USPL1: variants seen among roughly 807,000 people sequenced by gnomAD.
The protein encoded by USPL1 is ubiquitin specific peptidase like 1.
A neutral mutation model predicts 51.5 loss-of-function variants in USPL1; 27 were observed. That is an observed-to-expected ratio of 0.52 (90% CI 0.39 to 0.72). The LOEUF (loss-of-function observed/expected upper bound fraction) is 0.72, where lower values mean the gene tolerates loss of function less well. Ranked by LOEUF, USPL1 falls within the 30% of genes least tolerant of loss-of-function variation. The pLI is 0.00. For synonymous variants in USPL1, 451 were observed against 459.6 expected, an observed-to-expected ratio of 0.98 and a Z score of 0.24; for missense variants, 1,226 against 1,268.0, an observed-to-expected ratio of 0.97 and a Z score of 0.50.
At chr13:30,629,323 G>A (rs1593365460) in intron 3 of USPL1, among the ~76,000 whole-genome samples, 1 of 152,076 alleles carries the variant, frequency 6.6e-6, no homozygotes, top group Admixed American at 6.6e-5. Flanking sequence ...GGGCAACGTG[G>A]TGAAACCTTG....
At chr13:30,640,856 A>C (rs1455892600) in intron 5 of USPL1, among the ~76,000 whole-genome samples, 1 of 152,240 alleles carries the variant, frequency 6.6e-6, no homozygotes, top group Non-Finnish European at 1.5e-5. Context: ...CCATGTAGAA[A>C]TATGTACATC....
intron 1 of USPL1, among the ~76,000 whole-genome samples, chr13:30,619,980 A>C (rs1257460746): frequency 6.6e-6 from 1 of 152,226 alleles, no homozygotes; most frequent in African/African-American, 2.4e-5. Flanking sequence ...AACAGCCTTC[A>C]CAAACAATTA....
At chr13:30,626,756 A>G (rs1201726174) in intron 3 of USPL1, among the ~76,000 whole-genome samples, 1 of 152,200 alleles carries the variant, frequency 6.6e-6, no homozygotes, top group Non-Finnish European at 1.5e-5. Context: ...ACCAAATTGA[A>G]ACTCTCAAGT....
chr13:30,650,345 A>C (rs1951072920), intron 7 of USPL1, among the ~76,000 whole-genome samples: 1 of 150,740 alleles, frequency 6.6e-6, no homozygotes, highest in East Asian at 2.0e-4. Context: ...GGGAGGCTGA[A>C]GCGGACAGAT....
intron 4 of USPL1, 132 bp from the exon 5 acceptor site, chr13:30,637,612 G>A: frequency 1.5e-6 from 1 of 662,838 alleles, no homozygotes; most frequent in Non-Finnish European, 2.6e-6. Context: ...AAGAATTAAG[G>A]AAATTTTGTG....
chr13:30,627,699 A>G (rs933744520), intron 3 of USPL1, among the ~76,000 whole-genome samples: 1 of 151,994 alleles, frequency 6.6e-6, no homozygotes, highest in Admixed American at 6.6e-5. Flanking sequence ...TTTAAATTGT[A>G]AAAAAATTCA....
chr13:30,635,230 A>G (rs754648216), intron 4 of USPL1, among the ~76,000 whole-genome samples: 1 of 152,166 alleles, frequency 6.6e-6, no homozygotes. Context: ...AATTATTACT[A>G]TTCCCAAGGT....
In USPL1 at chr13:30,659,155, T is replaced by C. The variant is rs775909938; in HGVS notation, c.3078T>C (p.Tyr1026=). ...CACATCTGAGACAGGACCATAATTATTGTAGCCCCACCAAGAAAAATCCAT... is the reference window on the plus strand; with the variant it reads ...CACATCTGAGACAGGACCATAATTACTGTAGCCCCACCAAGAAAAATCCAT... ...QNTHLRQDHN[Y]CSPTKKNPCE... The change falls in exon 9 of 9, where the codon TAT becomes TAC. Residue 1026 remains tyrosine, a synonymous_variant. Coordinates refer to ENST00000255304, the MANE Select transcript of USPL1 (RefSeq NM_005800.5). 3 of 1,614,138 alleles carry C rather than the reference T, an allele frequency of 1.9e-6. No homozygotes were observed. Among genetic ancestry groups the C allele is most frequent in the South Asian group, 1.1e-5 (1 of 91,080 alleles).
intron 5 of USPL1, among the ~76,000 whole-genome samples, chr13:30,638,291 T>C (rs1339775531): frequency 2.0e-5 from 3 of 152,128 alleles, no homozygotes; most frequent in Non-Finnish European, 2.9e-5. Context: ...CCCCACATGA[T>C]TGTTATATGT....
intron 8 of USPL1, among the ~76,000 whole-genome samples, chr13:30,654,992 G>A (rs1379934061): frequency 2.0e-5 from 3 of 151,554 alleles, no homozygotes; most frequent in Admixed American, 1.3e-4. Context: ...AGGCTGGAGT[G>A]TATTGGCGCA....
At position 30,637,875 on chromosome 13, in the gene USPL1, C is replaced by A; in HGVS notation, c.982+18C>A. The A allele has an allele frequency of 6.4e-7, 1 of 1,557,310 alleles. No individual in the cohort carries two copies. Among genetic ancestry groups the A allele is most frequent in the Non-Finnish European group, 8.9e-7 (1 of 1,129,322 alleles). Reference sequence around the variant, plus strand: ...CACATTAGGTAAGTAATTGGTAAAACTTACTTGTATTATACTCATCTACCA... The same window carrying A: ...CACATTAGGTAAGTAATTGGTAAAAATTACTTGTATTATACTCATCTACCA... On this transcript the variant is annotated intron_variant, in intron 5 of 8. Transcript: ENST00000255304.
At position 30,647,011 on chromosome 13, in the gene USPL1, A is replaced by T. The variant is rs778709278; in HGVS notation, c.1192A>T (p.Asn398Tyr). The T allele has an allele frequency of 3.7e-6, 6 of 1,613,410 alleles. No homozygotes were observed. In the Admixed American group the frequency reaches 1.0e-4, roughly 27 times the overall value. Residue 398 changes from asparagine to tyrosine, a missense_variant, in exon 7 of 9, where the codon AAC becomes TAC. Transcript: ENST00000255304. ...TAATGCTGCCCATTTTGGTCCATGT[A>T]ACAATTGCAACAGTAAATCACAAAT... ...PLNAAHFGPC[N>Y]NCNSKSQIRK...
chr13:30,658,379 G>A lies in USPL1; in HGVS notation c.2302G>A (p.Ala768Thr). 6.2e-7 allele frequency: 1 copy of A among 1,613,626 alleles called. No homozygotes were observed. Among genetic ancestry groups the A allele is most frequent in the Admixed American group, 1.7e-5 (1 of 59,980 alleles). The part of the protein sequence containing the change: ...SWVKGLISRG[A>T]SFMPLCVSAH... ...GGTTAAAGGCTTAATAAGCAGGGGT[G>A]CTTCTTTTATGCCACTCTGTGTTTC... is the stretch of plus-strand genomic sequence containing the variant. The change falls in exon 9 of 9, where the codon GCT becomes ACT. Residue 768 changes from alanine (A) to threonine (T), a missense_variant. Physicochemically the swap from Ala to Thr is moderately conservative, Grantham distance 58. Coordinates refer to ENST00000255304, the MANE Select transcript of USPL1 (RefSeq NM_005800.5).
At position 30,642,745 on chromosome 13, in the gene USPL1, A is replaced by G. The variant is rs1950965614; in HGVS notation, c.1100A>G (p.Gln367Arg). Residue 367 changes from glutamine to arginine, a missense_variant, in exon 6 of 9, where the codon CAA becomes CGA. Gln to Arg is a conservative substitution (Grantham distance 43, BLOSUM62 1). Coordinates refer to ENST00000255304, the MANE Select transcript of USPL1 (RefSeq NM_005800.5). ...TTTGAATGTTCGCAGTGTGGACACC[A>G]ATATCAAAACAGGTTAGTTTCTTTT... ...WDFECSQCGH[Q>R]YQNRHMKSLV... The G allele has an allele frequency of 1.2e-6, 2 of 1,612,052 alleles. No individual in the cohort carries two copies. Among genetic ancestry groups the G allele is most frequent in the Admixed American group, 1.7e-5 (1 of 59,504 alleles).
At position 30,621,843 on chromosome 13, in the gene USPL1, C is replaced by T. The variant is rs1950650602; in HGVS notation, c.179C>T (p.Thr60Ile). Residue 60 changes from threonine to isoleucine, a missense_variant, in exon 3 of 9, where the codon ACT (threonine) becomes ATT (isoleucine). By Grantham distance (89) the Thr-to-Ile change is moderately conservative. Transcript: ENST00000255304. ...REKGKLKALKTYRISFQESIF... is the reference protein window; with the variant it reads ...REKGKLKALKIYRISFQESIF... ...AAGGGAAAGTTAAAAGCCTTAAAGACTTACCGAATTAGTTTTCAAGAATCT... is the reference window on the plus strand; with the variant it reads ...AAGGGAAAGTTAAAAGCCTTAAAGATTTACCGAATTAGTTTTCAAGAATCT... The T allele has an allele frequency of 1.9e-6, 3 of 1,583,226 alleles. No individual in the cohort carries two copies. The highest frequency in any genetic ancestry group is 2.6e-6 in the Non-Finnish European group (3 of 1,166,392).
In USPL1 at chr13:30,622,832, G is replaced by A. The variant is rs531986074; in HGVS notation, c.228+940G>A. The stretch of plus-strand genomic sequence containing the variant: ...GGTTGTTAATAGATACTTATGCTGG[G>A]TATAATTTGAAGTAAAGTAATCCCA... On this transcript the variant is annotated intron_variant, in intron 3 of 8. Coordinates refer to ENST00000255304, the MANE Select transcript of USPL1 (RefSeq NM_005800.5). Among the ~76,000 whole-genome samples, 3 of 152,190 alleles carry A rather than the reference G, an allele frequency of 2.0e-5. No homozygotes were observed. In the South Asian group the frequency reaches 6.2e-4, roughly 32 times the overall value.
At chr13:30,636,014 G>A (rs559827467) in intron 4 of USPL1, among the ~76,000 whole-genome samples, 1 of 152,162 alleles carries the variant, frequency 6.6e-6, no homozygotes, top group African/African-American at 2.4e-5. Context: ...TTATGGTTTT[G>A]TTAGGTAAGA....
chr13:30,621,629 C>G, intron 2 of USPL1, 135 bp from the exon 3 acceptor site: 1 of 623,018 alleles, frequency 1.6e-6, no homozygotes. Flanking sequence ...TTTTGTTTGC[C>G]ATGTTTAAAA....
Position 30,631,007 on chromosome 13 carries a change from G to A in USPL1, c.401G>A (p.Gly134Glu), listed in dbSNP as rs2137634784. ...AGAAATTATATTGCTATTGACGGTG[G>A]AAAAGTTTTGAACAGCAAACATAAT... Reference protein sequence around the residue: ...KTRNYIAIDGGKVLNSKHNGE... With the variant: ...KTRNYIAIDGEKVLNSKHNGE... The change falls in exon 4 of 9, where the codon GGA (glycine) becomes GAA (glutamate). Residue 134 changes from glycine to glutamate, a missense_variant. Transcript: ENST00000255304. 6.2e-7 allele frequency: 1 copy of A among 1,614,016 alleles called. No homozygotes were observed. The highest frequency in any genetic ancestry group is 8.5e-7 in the Non-Finnish European group (1 of 1,180,018).
Sources: gnomAD v4.1 joint callset for allele counts (sites outside exome capture counted in the v4.1 genomes callset) on GRCh38, gnomAD v4.1.1 for gene constraint, MANE v1.5 for transcripts, NCBI Gene and HGNC (gene_info 2026-07-23, HGNC 2026-07-21) for gene names.